The following UTS2B variants were observed in gnomAD, a reference collection of about 807,000 sequenced individuals.
The protein encoded by UTS2B is urotensin 2B.
A neutral mutation model predicts 19.2 loss-of-function variants in UTS2B; 21 were observed. The observed-to-expected ratio is 1.09, with a 90% confidence interval of 0.78 to 1.58. The LOEUF (loss-of-function observed/expected upper bound fraction) is 1.58, where lower values mean the gene tolerates loss of function less well. Among genes scored for constraint, UTS2B ranks in the 40% most tolerant of loss-of-function variants. UTS2B has a pLI of 0.00. For synonymous variants in UTS2B, 57 were observed against 50.2 expected (o/e 1.14, Z -0.58); for missense variants, 138 against 130.3 (o/e 1.06, Z -0.29).
chr3:191,291,436 A>G lies in UTS2B; in HGVS notation c.-124-9123T>C, dbSNP rs1244061124. Among the ~76,000 whole-genome samples the G allele has an allele frequency of 8.7e-5, 13 of 150,198 alleles. No homozygotes were observed. In the East Asian group the frequency reaches 2.2e-3, roughly 25 times the overall value. Reference sequence around the variant, plus strand: ...TCTAAGAGTTCTATAGTGAAACTCTAAAATTTAGGTCTTTGAACCACTTTC... The same window carrying G: ...TCTAAGAGTTCTATAGTGAAACTCTGAAATTTAGGTCTTTGAACCACTTTC... On this transcript the variant is annotated intron_variant, in intron 4 of 8. Coordinates refer to ENST00000340524, the MANE Select transcript of UTS2B (RefSeq NM_198152.5).
chr3:191,319,470 ATC>A (rs1383886704), intron 2 of UTS2B, among the ~76,000 whole-genome samples: 1 of 152,192 alleles, frequency 6.6e-6, no homozygotes, highest in Non-Finnish European at 1.5e-5. Context: ...AGGAGAAGAT[ATC>A]TGTTTCTTTT....
intron 8 of UTS2B, among the ~76,000 whole-genome samples, 158 bp from the exon 9 acceptor site, chr3:191,268,599 C>T (rs6794154): frequency 0.76 from 115,635 of 152,118 alleles, 44,533 homozygotes; most frequent in African/African-American, 0.89. Context: ...TTAAGTTAAT[C>T]ACAATTAAAT....
At chr3:191,289,328 A>G (rs570445013) in intron 4 of UTS2B, among the ~76,000 whole-genome samples, 19 of 151,772 alleles carry the variant, frequency 1.3e-4, no homozygotes, top group African/African-American at 4.4e-4. Context: ...AGAATGGCGT[A>G]AACCTGGGAG....
chr3:191,334,703 C>T (rs1412743486), upstream of UTS2B, among the ~76,000 whole-genome samples: 2 of 152,072 alleles, frequency 1.3e-5, no homozygotes, highest in Non-Finnish European at 2.9e-5. Context: ...TTCCTCCTTC[C>T]CTCTCTTCCC....
At chr3:191,316,707 T>C (rs867886817) in intron 2 of UTS2B, among the ~76,000 whole-genome samples, 9 of 152,164 alleles carry the variant, frequency 5.9e-5, no homozygotes, top group Middle Eastern at 3.2e-3. Flanking sequence ...GCCATAAAAG[T>C]TCTCCAAGTC....
upstream of UTS2B, among the ~76,000 whole-genome samples, chr3:191,330,733 C>A (rs980320): frequency 0.19 from 28,294 of 152,094 alleles, 3,094 homozygotes; most frequent in Non-Finnish European, 0.24. Context: ...TGTTTTATTG[C>A]CAACTTAATT....
chr3:191,310,330 CT>C (rs1314231954), intron 3 of UTS2B, among the ~76,000 whole-genome samples: 3 of 151,874 alleles, frequency 2.0e-5, no homozygotes, highest in Non-Finnish European at 4.4e-5. Context: ...ATAACATCCC[CT>C]TTCAAAACAA....
Position 191,321,187 on chromosome 3 carries a change from G to A in UTS2B, c.-585-4748C>T, listed in dbSNP as rs115195392. The stretch of plus-strand genomic sequence containing the variant: ...ACTAAAGACTATGATAAGAAATGAT[G>A]TAAGTGTGTGTGGGGAGGGGTGGGA... On this transcript the variant is annotated intron_variant, in intron 2 of 8. Coordinates refer to ENST00000340524, the MANE Select transcript of UTS2B (RefSeq NM_198152.5). Among the ~76,000 whole-genome samples, 191 of 152,178 alleles carry A rather than the reference G, an allele frequency of 1.3e-3. 2 individuals are homozygous for A. Among genetic ancestry groups the A allele is most frequent in the African/African-American group, 4.3e-3 (177 of 41,508 alleles).
At chr3:191,329,411 A>C in intron 1 of UTS2B, 6 of 396,184 alleles carry the variant, frequency 1.5e-5, no homozygotes, top group Middle Eastern at 6.9e-4. Flanking sequence ...GGCTCCGGAT[A>C]TTTGGTATCG....
intron 2 of UTS2B, among the ~76,000 whole-genome samples, chr3:191,327,521 T>C (rs1038637924): frequency 6.6e-6 from 1 of 152,106 alleles, no homozygotes; most frequent in Non-Finnish European, 1.5e-5. Context: ...TAGAGACCCA[T>C]GAGAGCTGAG....
At chr3:191,301,444 G>A (rs1716995684) in intron 4 of UTS2B, among the ~76,000 whole-genome samples, 1 of 150,266 alleles carries the variant, frequency 6.7e-6, no homozygotes, top group Admixed American at 6.6e-5. Context: ...GTTAGATACT[G>A]AACAATTGGT....
chr3:191,286,659 A>T (rs1444297450), intron 4 of UTS2B, among the ~76,000 whole-genome samples: 2 of 145,326 alleles, frequency 1.4e-5, no homozygotes, highest in Admixed American at 1.3e-4. Flanking sequence ...TGCCTATATT[A>T]AAAAAAAAGA....
chr3:191,344,330 A>C, the UTS2B span, among the ~76,000 whole-genome samples: 2 of 152,236 alleles, frequency 1.3e-5, no homozygotes, highest in Non-Finnish European at 2.9e-5. Context: ...AACGTTCTGT[A>C]TTCTGTACTG....
intron 1 of UTS2B, chr3:191,329,463 G>T: frequency 2.1e-6 from 1 of 474,286 alleles, no homozygotes; most frequent in Non-Finnish European, 3.7e-6. Context: ...CGGCGGGGCA[G>T]CTGGGCCGCC....
At chr3:191,314,918 A>G (rs1360246101) in intron 3 of UTS2B, among the ~76,000 whole-genome samples, 4 of 152,112 alleles carry the variant, frequency 2.6e-5, no homozygotes, top group Admixed American at 2.0e-4. Flanking sequence ...TGCCCTACGC[A>G]TCTCATCTCT....
intron 4 of UTS2B, among the ~76,000 whole-genome samples, chr3:191,295,107 G>A (rs1233910958): frequency 6.6e-6 from 1 of 151,814 alleles, no homozygotes; most frequent in Non-Finnish European, 1.5e-5. Context: ...AGTTTTATTA[G>A]GACACTCATA....
chr3:191,314,998 G>T (rs1273770290), intron 3 of UTS2B, among the ~76,000 whole-genome samples: 6 of 151,498 alleles, frequency 4.0e-5, no homozygotes, highest in Non-Finnish European at 5.9e-5. Context: ...CCTGAGTTCT[G>T]CGTGCCACCC....
At chr3:191,288,002 C>A (rs1366173804) in intron 4 of UTS2B, among the ~76,000 whole-genome samples, 2 of 152,024 alleles carry the variant, frequency 1.3e-5, no homozygotes, top group African/African-American at 4.8e-5. Flanking sequence ...CTGACAATGA[C>A]CTACCCAAAA....
chr3:191,323,163 T>TTATTTATG (rs1717655031), intron 2 of UTS2B, among the ~76,000 whole-genome samples: 1 of 152,186 alleles, frequency 6.6e-6, no homozygotes. Context: ...ATTTATTTAT[T>TTATTTATG]TTTGAGACAG....
Sources: allele counts gnomAD v4.1 joint callset (sites outside exome capture counted in the v4.1 genomes callset), GRCh38; gene constraint gnomAD v4.1.1; transcripts MANE v1.5; gene names NCBI Gene and HGNC (gene_info 2026-07-23, HGNC 2026-07-21).